FAM184B: variants seen among roughly 807,000 people sequenced by gnomAD.
FAM184B encodes the protein family with sequence similarity 184 member B.
A neutral mutation model predicts 135.9 loss-of-function variants in FAM184B; 111 were observed. The ratio of observed to expected loss-of-function variants is 0.82; its 90% CI spans 0.70 to 0.96. FAM184B has a LOEUF of 0.96. FAM184B is among the 40% of genes least tolerant of loss of function. The pLI, the probability that FAM184B is intolerant of heterozygous loss-of-function variation, is 0.00. For missense variants in FAM184B, 1,375 were observed against 1,323.9 expected, an observed-to-expected ratio of 1.04 and a Z score of -0.60; for synonymous variants, 552 against 524.8, an observed-to-expected ratio of 1.05 and a Z score of -0.71.
At chr4:17,708,663 C>CTATATATATA (rs60087211) in intron 2 of FAM184B, among the ~76,000 whole-genome samples, 319 of 16,912 alleles carry the variant, frequency 0.019, 15 homozygotes, top group Non-Finnish European at 0.021. Context: ...GGAAACAAAA[C>CTATATATATA]TATATATATA....
chr4:17,634,700 A>G (rs938467852), intron 16 of FAM184B, among the ~76,000 whole-genome samples: 2 of 152,188 alleles, frequency 1.3e-5, no homozygotes, highest in African/African-American at 4.8e-5. Flanking sequence ...ATTGTGAAAA[A>G]TTCCAAAAAT....
At chr4:17,675,327 CA>C (rs1183852096) in intron 7 of FAM184B, among the ~76,000 whole-genome samples, 3 of 151,980 alleles carry the variant, frequency 2.0e-5, no homozygotes, top group African/African-American at 7.3e-5. Context: ...GGTCAGTAAG[CA>C]ATAATATTTT....
chr4:17,682,070 G>A lies in FAM184B; in HGVS notation c.1596+6354C>T, dbSNP rs1274857299. ...ATGGCTTGTATAGTGATGGTACTCA[G>A]ACATATTTATAGAGACGAGATGACT... On this transcript the variant is annotated intron_variant, in intron 7 of 17. Coordinates refer to ENST00000265018, the MANE Select transcript of FAM184B (RefSeq NM_015688.2). Among the ~76,000 whole-genome samples the A allele has an allele frequency of 2.0e-5, 3 of 152,166 alleles. No homozygotes were observed. In the East Asian group the frequency reaches 5.8e-4, roughly 29 times the overall value.
chr4:17,646,721 A>C (rs145271633), intron 12 of FAM184B, among the ~76,000 whole-genome samples: 1,760 of 151,168 alleles, frequency 0.012, 22 homozygotes, highest in Middle Eastern at 0.034. Flanking sequence ...CTAGAACTTA[A>C]AATATAATAA....
At chr4:17,686,994 A>T (rs1277603913) in intron 7 of FAM184B, among the ~76,000 whole-genome samples, 1 of 152,238 alleles carries the variant, frequency 6.6e-6, no homozygotes, top group Non-Finnish European at 1.5e-5. Flanking sequence ...TCTATGACTG[A>T]CCAGTTCACA....
At chr4:17,637,979 C>G (rs1386484901) in intron 14 of FAM184B, among the ~76,000 whole-genome samples, 2 of 37,852 alleles carry the variant, frequency 5.3e-5, no homozygotes, top group Non-Finnish European at 1.2e-4. Context: ...CTCCTCTCCT[C>G]CCACTCACCC....
At chr4:17,644,854 C>T (rs1309345229) in intron 12 of FAM184B, among the ~76,000 whole-genome samples, 5 of 152,118 alleles carry the variant, frequency 3.3e-5, no homozygotes, top group African/African-American at 9.7e-5. Flanking sequence ...CAGCCCAAAA[C>T]CTCCTTAAGC....
At chr4:17,774,779 C>T (rs1041741241) in intron 1 of FAM184B, among the ~76,000 whole-genome samples, 2 of 152,092 alleles carry the variant, frequency 1.3e-5, no homozygotes, top group Admixed American at 6.6e-5. Context: ...AGGGAATAAC[C>T]GACAGAAAAA....
intron 13 of FAM184B, among the ~76,000 whole-genome samples, chr4:17,639,831 C>CTT (rs11445596): frequency 0.018 from 2,575 of 143,906 alleles, 76 homozygotes; most frequent in African/African-American, 0.062. Context: ...CCTCCCTGAA[C>CTT]TTTTTTTTTT....
rs1370119608 is a variant in FAM184B, at chr4:17,636,651, C to T, written c.2667-6G>A. ...TCTCTCCGGAATCTTTCAGTCTGTT[C>T]CAAGCAGGCATGCAGTCAAGTCCCC... On this transcript the variant is annotated splice_polypyrimidine_tract_variant and splice_region_variant and intron_variant, in intron 14 of 17. Transcript: ENST00000265018. 1 of 1,543,870 alleles carries T rather than the reference C, an allele frequency of 6.5e-7. No homozygotes were observed. Among genetic ancestry groups the T allele is most frequent in the African/African-American group, 1.4e-5 (1 of 72,878 alleles).
Position 17,689,994 on chromosome 4 carries a change from C to A in FAM184B, c.1489-1463G>T, listed in dbSNP as rs187926972. ...CGAAACCCCATCTCTACTAAAAATA[C>A]ACAATTAGCTGGGCCTGTTGGTGCG... is the stretch of plus-strand genomic sequence containing the variant. On this transcript the variant is annotated intron_variant, in intron 6 of 17. Transcript: ENST00000265018. Among the ~76,000 whole-genome samples the A allele has an allele frequency of 1.3e-3, 190 of 151,962 alleles. 1 individual carries two copies. The highest frequency in any genetic ancestry group is 4.5e-3 in the African/African-American group (188 of 41,486).
chr4:17,763,989 G>C (rs1718601482), intron 1 of FAM184B, among the ~76,000 whole-genome samples: 1 of 152,028 alleles, frequency 6.6e-6, no homozygotes, highest in South Asian at 2.1e-4. Flanking sequence ...CACTTTTCAT[G>C]CTCTCCACCC....
intron 1 of FAM184B, among the ~76,000 whole-genome samples, chr4:17,722,162 C>T (rs758069786): frequency 2.8e-4 from 42 of 152,168 alleles, no homozygotes; most frequent in Non-Finnish European, 5.4e-4. Flanking sequence ...ATGGCTATCC[C>T]ATTTCTACTG....
rs372092602 is a variant in FAM184B, at chr4:17,705,029, C to T, written c.1348G>A (p.Val450Met). The T allele has an allele frequency of 3.9e-5, 61 of 1,551,760 alleles. No homozygotes were observed. Among genetic ancestry groups the T allele is most frequent in the African/African-American group, 8.2e-5 (6 of 73,172 alleles). The change falls in exon 5 of 18, where the codon GTG (valine) becomes ATG (methionine). Residue 450 changes from valine to methionine, a missense_variant. Coordinates refer to ENST00000265018, the MANE Select transcript of FAM184B (RefSeq NM_015688.2). ...TVEIKSVRSS[V>M]EAERKKLQRE... The stretch of plus-strand genomic sequence containing the variant: ...TGCAGTTTCTTTCTTTCAGCCTCCA[C>T]GGACGAGCGAACGGATTTGATTTCC...
rs190090000 is a variant in FAM184B at position 17,703,866 on chromosome 4, G to C, written c.1377+1134C>G. ...GAATTGCTTGAACCCGGCAGGTGGA[G>C]GTTGCAGTGAGCCGAGATTGCGTCA... On this transcript the variant is annotated intron_variant, in intron 5 of 17. Coordinates refer to ENST00000265018, the MANE Select transcript of FAM184B (RefSeq NM_015688.2). Among the ~76,000 whole-genome samples, 1,345 of 148,742 alleles carry C rather than the reference G, an allele frequency of 9.0e-3. 16 individuals carry two copies. The highest frequency in any genetic ancestry group is 0.023 in the South Asian group (103 of 4,518).
At chr4:17,666,349 G>T (rs1421840716) in intron 7 of FAM184B, among the ~76,000 whole-genome samples, 2 of 147,520 alleles carry the variant, frequency 1.4e-5, no homozygotes, top group Non-Finnish European at 3.0e-5. Context: ...TGTCACCCAG[G>T]CTGATGTGCA....
intron 1 of FAM184B, among the ~76,000 whole-genome samples, chr4:17,744,494 A>ACACAC (rs1718116782): frequency 6.8e-6 from 1 of 146,042 alleles, no homozygotes; most frequent in Non-Finnish European, 1.5e-5. Context: ...CACACACCAC[A>ACACAC]CACACACACA....
chr4:17,781,427 G>C lies in FAM184B; in HGVS notation c.-128C>G. 8.6e-7 allele frequency: 1 copy of C among 1,157,818 alleles called. No homozygotes were observed. Among genetic ancestry groups the C allele is most frequent in the Non-Finnish European group, 1.1e-6 (1 of 886,878 alleles). 71.7% of individuals were successfully genotyped at this position (1,157,818 alleles called of 1,614,324 possible). A position where few individuals can be genotyped will look rare whatever the true frequency, so the allele number is the denominator to read the frequency against. ...AGGTGGCACTGCAGTCCCGTCGCCT[G>C]CACCGCCGCGTGGCCCCAGCTTCCC... On this transcript the variant is annotated 5_prime_UTR_variant, in exon 1 of 18. Transcript: ENST00000265018. The surrounding 1 kb of genome is among the most constrained non-coding windows in gnomAD (Gnocchi z 6.5).
At chr4:17,743,184 C>T (rs1439116118) in intron 1 of FAM184B, among the ~76,000 whole-genome samples, 1 of 152,020 alleles carries the variant, frequency 6.6e-6, no homozygotes, top group East Asian at 1.9e-4. Flanking sequence ...CCACCCTCAC[C>T]AAAAAAATAG....
Sources: gnomAD v4.1 joint callset for allele counts (sites outside exome capture counted in the v4.1 genomes callset) on GRCh38, gnomAD v4.1.1 for gene constraint, Gnocchi (gnomAD v3.1) non-coding constraint, MANE v1.5 for transcripts, NCBI Gene and HGNC (gene_info 2026-07-23, HGNC 2026-07-21) for gene names.